Variants in PIEZO2 observed in about 807,000 individuals in gnomAD.
PIEZO2 encodes the protein piezo type mechanosensitive ion channel component 2.
Under a neutral mutation model 337.3 loss-of-function variants are expected in PIEZO2, and 172 were observed. The observed-to-expected ratio is 0.51, with a 90% CI of 0.45 to 0.58. The LOEUF (loss-of-function observed/expected upper bound fraction) is 0.58, where lower values mean the gene tolerates loss of function less well. Among genes scored for constraint, PIEZO2 ranks in the 20% least tolerant of loss-of-function variants. The probability of loss-of-function intolerance (pLI) is 0.00; values close to 1 mark genes in which losing one functional copy is unlikely to be tolerated. For missense variants in PIEZO2, 3,028 were observed against 3,391.3 expected (o/e 0.89, Z 2.66); for synonymous variants, 1,251 against 1,228.5 (o/e 1.02, Z -0.38).
chr18:11,034,413 C>T (rs1015816781), intron 2 of PIEZO2, among the ~76,000 whole-genome samples: 1 of 151,984 alleles, frequency 6.6e-6, no homozygotes, highest in Non-Finnish European at 1.5e-5. Flanking sequence ...CTGCCTTAGC[C>T]TCCTGAGTAG....
rs1048518512 is a variant in PIEZO2, at chr18:11,026,041, G to A, written c.160+40086C>T. On this transcript the variant is annotated intron_variant, in intron 2 of 55. Transcript: ENST00000674853. ...CTCAGCACCATCACAAGTAGGAAGC[G>A]AAGATCATCCCTGAACTGGTAGTTC... is the stretch of plus-strand genomic sequence containing the variant. Among the ~76,000 whole-genome samples the A allele has an allele frequency of 4.6e-5, 7 of 152,120 alleles. No homozygotes were observed. The South Asian group carries it at 6.2e-4, about 14-fold the overall frequency.
In PIEZO2 at chr18:11,143,232, T is replaced by C. The variant is rs1263287758; in HGVS notation, c.64+5293A>G. On this transcript the variant is annotated intron_variant, in intron 1 of 55. Coordinates refer to ENST00000674853, the MANE Select transcript of PIEZO2 (RefSeq NM_001378183.1). The surrounding 1 kb of genome is among the most constrained non-coding windows in gnomAD (Gnocchi z 4.9). Reference sequence around the variant, plus strand: ...GTAATGTTGTAGATTATACACATGGTATCATATTGTTCTTCATCAATTGTT... The same window carrying C: ...GTAATGTTGTAGATTATACACATGGCATCATATTGTTCTTCATCAATTGTT... Among the ~76,000 whole-genome samples the C allele has an allele frequency of 6.6e-6, 1 of 152,240 alleles. No homozygotes were observed. The highest frequency in any genetic ancestry group is 1.5e-5 in the Non-Finnish European group (1 of 68,038).
rs999966052 is a variant in PIEZO2, at chr18:10,853,608, T to A, written c.917+1745A>T. 6.6e-6 allele frequency among the ~76,000 whole-genome samples: 1 copy of A among 152,228 alleles called. No homozygotes were observed. Among genetic ancestry groups the A allele is most frequent in the Non-Finnish European group, 1.5e-5 (1 of 68,036 alleles). On this transcript the variant is annotated intron_variant, in intron 7 of 55. Coordinates refer to ENST00000674853, the MANE Select transcript of PIEZO2 (RefSeq NM_001378183.1). The surrounding 1 kb of genome is among the most constrained non-coding windows in gnomAD (Gnocchi z 4.2). ...TTCTTTTTTCTGGAACTGTCAATTATGAACCTTTCCTCATGCAAAGAAAAG... is the reference window on the plus strand; with the variant it reads ...TTCTTTTTTCTGGAACTGTCAATTAAGAACCTTTCCTCATGCAAAGAAAAG...
chr18:10,683,573 G>C (rs930918387), intron 49 of PIEZO2, among the ~76,000 whole-genome samples: 1 of 152,052 alleles, frequency 6.6e-6, no homozygotes, highest in Admixed American at 6.6e-5. Context: ...TTTTCTTCCC[G>C]ATTTTCTATA....
rs1254689046 is a variant in PIEZO2, at chr18:10,753,629, C to T, written c.3924-750G>A. Among the ~76,000 whole-genome samples the T allele has an allele frequency of 4.6e-5, 7 of 152,070 alleles. No individual in the cohort carries two copies. In the South Asian group the frequency reaches 1.5e-3, roughly 32 times the overall value. On this transcript the variant is annotated intron_variant, in intron 27 of 55. Transcript: ENST00000674853. ...GTTTTGCTTTGGTGGTTTCTTTTGG[C>T]GCATTTGGGAAGAAACATAGGAGAA...
At chr18:10,751,754 G>A (rs1271937369) in intron 28 of PIEZO2, among the ~76,000 whole-genome samples, 2 of 152,162 alleles carry the variant, frequency 1.3e-5, no homozygotes, top group African/African-American at 4.8e-5. Context: ...GCAGGCACAG[G>A]GATAAACCTT....
At chr18:10,938,912 T>C (rs1315961861) in intron 3 of PIEZO2, among the ~76,000 whole-genome samples, 1 of 151,942 alleles carries the variant, frequency 6.6e-6, no homozygotes, top group African/African-American at 2.4e-5. Flanking sequence ...CAGTGAAACC[T>C]TGTCTCTGCT....
At chr18:10,703,366 T>C (rs576623289) in intron 42 of PIEZO2, among the ~76,000 whole-genome samples, 1 of 152,322 alleles carries the variant, frequency 6.6e-6, no homozygotes, top group East Asian at 1.9e-4. Context: ...ATTCAAGCAA[T>C]AGATATATAT....
intron 35 of PIEZO2, among the ~76,000 whole-genome samples, chr18:10,733,975 C>G (rs1020249210): frequency 2.6e-5 from 4 of 152,152 alleles, no homozygotes; most frequent in African/African-American, 7.2e-5. Flanking sequence ...TTACTAACAA[C>G]TTATGTGAAA....
chr18:10,909,124 G>A (rs142115092), intron 4 of PIEZO2, among the ~76,000 whole-genome samples: 5 of 152,328 alleles, frequency 3.3e-5, no homozygotes, highest in African/African-American at 7.2e-5. Context: ...ACACGAAAAC[G>A]ATAGAGTGAT....
At chr18:10,738,304 C>A (rs751171759) in intron 33 of PIEZO2, 19 of 152,086 alleles carry the variant, frequency 1.2e-4, no homozygotes, top group Non-Finnish European at 1.9e-4. Flanking sequence ...AGAATTTTAC[C>A]CTCATTATAG....
intron 7 of PIEZO2, among the ~76,000 whole-genome samples, chr18:10,840,430 C>T (rs928839224): frequency 2.6e-5 from 4 of 151,990 alleles, no homozygotes; most frequent in African/African-American, 9.7e-5. Flanking sequence ...TGAGAATGAA[C>T]GTTAGAGCTG....
At position 11,148,546 on chromosome 18, in the gene PIEZO2, G is replaced by C. The variant is rs1252002250; in HGVS notation, c.43C>G (p.Leu15Val). ...TCACCTACTGCCAGGCAGATGGGCA[G>C]CAGCAGCCTGAAGATGAGCCCGCAC... is the stretch of plus-strand genomic sequence containing the variant. ...VVCGLIFRLL[L>V]PICLAVACAF... Residue 15 changes from leucine to valine, a missense_variant, in exon 1 of 56, where the codon CTG (leucine) becomes GTG (valine). Physicochemically the swap from Leu to Val is conservative, Grantham distance 32 (BLOSUM62 1). Around this residue, in one of 5 missense-constraint regions of PIEZO2, gnomAD observed 542 missense variants for 605.6 expected, o/e 0.89. Transcript: ENST00000674853. This position sits in a 1 kb window ranked among gnomAD's most constrained non-coding sequence, Gnocchi z 5.2. The C allele has an allele frequency of 1.4e-5, 21 of 1,537,124 alleles. No individual in the cohort carries two copies. The highest frequency in any genetic ancestry group is 1.8e-5 in the Non-Finnish European group (21 of 1,146,918).
At position 10,922,737 on chromosome 18, in the gene PIEZO2, G is replaced by A. The variant is rs867347556; in HGVS notation, c.287-11509C>T. 5.3e-5 allele frequency among the ~76,000 whole-genome samples: 8 copies of A among 152,114 alleles called. No individual in the cohort carries two copies. The South Asian group carries it at 1.7e-3, about 32-fold the overall frequency. ...GGAGTTCAGGCAGGACTCATAAGCTGTGAGTGCATGGAGAGGCAAGCTGGC... is the reference window on the plus strand; with the variant it reads ...GGAGTTCAGGCAGGACTCATAAGCTATGAGTGCATGGAGAGGCAAGCTGGC... On this transcript the variant is annotated intron_variant, in intron 3 of 55. Coordinates refer to ENST00000674853, the MANE Select transcript of PIEZO2 (RefSeq NM_001378183.1).
Position 10,704,740 on chromosome 18 carries a change from A to G in PIEZO2, c.6000-88T>C, listed in dbSNP as rs139910787. 3.0e-3 allele frequency: 4,328 copies of G among 1,437,548 alleles called. 110 individuals carry two copies. The African/African-American group carries it at 0.054, about 18-fold the overall frequency. The allele number at this position is 1,437,548 out of a possible 1,614,324, so 89.0% of individuals were successfully genotyped here. A position where few individuals can be genotyped will look rare whatever the true frequency, so the allele number is the denominator to read the frequency against. On this transcript the variant is annotated intron_variant, in intron 41 of 55. Transcript: ENST00000674853. ...GCTCTTGTTGCCCAGGCTGGAGTGC[A>G]ATGGCGTGATCTTGGCTCACTGCAA...
At chr18:10,761,785 C>T (rs2038145618) in intron 23 of PIEZO2, among the ~76,000 whole-genome samples, 1 of 152,118 alleles carries the variant, frequency 6.6e-6, no homozygotes, top group Non-Finnish European at 1.5e-5. Flanking sequence ...AGAAAATGGG[C>T]TGCTTAATAC....
chr18:11,107,844 A>G (rs1009442406), intron 1 of PIEZO2, among the ~76,000 whole-genome samples: 1 of 152,224 alleles, frequency 6.6e-6, no homozygotes, highest in African/African-American at 2.4e-5. Flanking sequence ...CTCCCTGAGC[A>G]TTTCTGCAAA....
At chr18:11,044,948 A>G (rs531544402) in intron 2 of PIEZO2, among the ~76,000 whole-genome samples, 19 of 152,120 alleles carry the variant, frequency 1.2e-4, no homozygotes, top group African/African-American at 4.6e-4. Flanking sequence ...CAGGAGTTCA[A>G]CACCAGACCA....
At chr18:10,814,656 T>C (rs2040308002) in intron 7 of PIEZO2, among the ~76,000 whole-genome samples, 1 of 152,174 alleles carries the variant, frequency 6.6e-6, no homozygotes, top group African/African-American at 2.4e-5. Context: ...CCCAGGATGT[T>C]CAGCCATTCC....
Sources: gnomAD v4.1 joint callset for allele counts (sites outside exome capture counted in the v4.1 genomes callset) on GRCh38, gnomAD v4.1.1 for gene constraint, gnomAD v4.1.1 regional missense constraint, Gnocchi (gnomAD v3.1) non-coding constraint, MANE v1.5 for transcripts, NCBI Gene and HGNC (gene_info 2026-07-23, HGNC 2026-07-21) for gene names.